LIAT1: variants seen among roughly 807,000 people sequenced by gnomAD.
The protein encoded by LIAT1 is protein LIAT1.
At chr17:410,363 C>T in the LIAT1 span, 17 of 1,505,334 alleles carry the variant, frequency 1.1e-5, no homozygotes, top group African/African-American at 2.1e-4. Context: ...GTGGCCCTGG[C>T]CTGGCGGTCC....
chr17:413,225 C>G, the LIAT1 span: 2 of 1,614,198 alleles, frequency 1.2e-6, no homozygotes, highest in Non-Finnish European at 1.7e-6. Context: ...TTGCAAAGAG[C>G]GTGGCCCGAA....
At chr17:413,429 C>A in the LIAT1 span, 2 of 1,614,202 alleles carry the variant, frequency 1.2e-6, no homozygotes. Flanking sequence ...TCGGAGAAAA[C>A]GGTACCGGTG....
the LIAT1 span, chr17:413,037 G>T: frequency 7.7e-7 from 1 of 1,295,504 alleles, no homozygotes; most frequent in Non-Finnish European, 1.1e-6. Context: ...TGAGCCCTGG[G>T]TACGGAGGGG....
chr17:410,358 C>G, the LIAT1 span: 2 of 1,500,390 alleles, frequency 1.3e-6, no homozygotes, highest in Non-Finnish European at 1.8e-6. Context: ...GACGCGTGGC[C>G]CTGGCCTGGC....
At chr17:410,706 C>T in the LIAT1 span, 7 of 1,460,120 alleles carry the variant, frequency 4.8e-6, no homozygotes, top group African/African-American at 1.4e-5. Context: ...TCTTTGGGGA[C>T]CCACCCCCCA....
At chr17:411,865 C>G in the LIAT1 span, among the ~76,000 whole-genome samples, 1 of 152,210 alleles carries the variant, frequency 6.6e-6, no homozygotes, top group East Asian at 1.9e-4. Context: ...TGTGGTCCAC[C>G]TCAGTGGCTT....
the LIAT1 span, chr17:413,431 G>C: frequency 6.2e-7 from 1 of 1,613,994 alleles, no homozygotes; most frequent in Non-Finnish European, 8.5e-7. Context: ...GGAGAAAACG[G>C]TACCGGTGCT....
chr17:412,398 G>A, the LIAT1 span, among the ~76,000 whole-genome samples: 1 of 152,126 alleles, frequency 6.6e-6, no homozygotes, highest in Non-Finnish European at 1.5e-5. Flanking sequence ...ACAGTGACAT[G>A]TGCCTCATAC....
the LIAT1 span, chr17:413,279 T>A: frequency 1.2e-6 from 2 of 1,614,182 alleles, no homozygotes; most frequent in Non-Finnish European, 1.7e-6. Flanking sequence ...GCACCTCCCT[T>A]CTGACTCCTC....
chr17:414,284 G>C, the LIAT1 span: 1 of 754,440 alleles, frequency 1.3e-6, no homozygotes. The surrounding 1 kb of genome is among the most constrained non-coding windows in gnomAD (Gnocchi z 4.1). Context: ...TTGCCCAGGA[G>C]AGCCACAGTG....
the LIAT1 span, chr17:410,705 A>C: frequency 8.2e-6 from 12 of 1,468,988 alleles, no homozygotes; most frequent in Non-Finnish European, 9.2e-6. Flanking sequence ...CTCTTTGGGG[A>C]CCCACCCCCC....
the LIAT1 span, among the ~76,000 whole-genome samples, chr17:412,574 TA>T: frequency 1.1e-3 from 157 of 148,582 alleles, 1 homozygote; most frequent in Admixed American, 1.9e-3. Context: ...CTATTGATGT[TA>T]AAAAAAAAAA....
chr17:413,333 A>G, the LIAT1 span: 1 of 1,614,258 alleles, frequency 6.2e-7, no homozygotes. Context: ...GAACCTTGCG[A>G]ATCGGATCAA....
chr17:413,536 C>A, the LIAT1 span: 8 of 1,517,040 alleles, frequency 5.3e-6, no homozygotes, highest in Non-Finnish European at 6.2e-6. Flanking sequence ...ACCCCGAGGC[C>A]CTCAAGGGCT....
chr17:414,205 C>T, the LIAT1 span: 43 of 1,444,334 alleles, frequency 3.0e-5, no homozygotes, highest in South Asian at 3.6e-4. The surrounding 1 kb of genome is among the most constrained non-coding windows in gnomAD (Gnocchi z 4.1). Flanking sequence ...AAATGAGACC[C>T]GTATCTGAAG....
At chr17:410,748 T>G in the LIAT1 span, 17,743 of 1,153,394 alleles carry the variant, frequency 0.015, 1,412 homozygotes, top group East Asian at 0.24. Context: ...AGAAGCTCAG[T>G]GGTCCCGGAC....
At chr17:413,327 C>G in the LIAT1 span, 1 of 1,614,268 alleles carries the variant, frequency 6.2e-7, no homozygotes, top group African/African-American at 1.3e-5. Flanking sequence ...AATAGAGAAC[C>G]TTGCGAATCG....
chr17:413,351 C>T, the LIAT1 span: 2 of 1,614,268 alleles, frequency 1.2e-6, no homozygotes, highest in Non-Finnish European at 1.7e-6. Flanking sequence ...CAACGAAAGT[C>T]TGCGTTGGGA....
chr17:414,014 A>C, the LIAT1 span: 7 of 1,614,128 alleles, frequency 4.3e-6, no homozygotes, highest in African/African-American at 2.7e-5. This position sits in a 1 kb window ranked among gnomAD's most constrained non-coding sequence, Gnocchi z 4.1. Flanking sequence ...CTCCAGCCAC[A>C]GGCAGCCCAC....
Sources: gnomAD v4.1 joint callset for allele counts (sites outside exome capture counted in the v4.1 genomes callset) on GRCh38, gnomAD v4.1.1 for gene constraint, Gnocchi (gnomAD v3.1) non-coding constraint, MANE v1.5 for transcripts, NCBI Gene and HGNC (gene_info 2026-07-23, HGNC 2026-07-21) for gene names.